GLRA1: variants seen among roughly 807,000 people sequenced by gnomAD.
GLRA1 encodes glycine receptor alpha 1, also known as glycine receptor subunit alpha-1.
In GLRA1, 37 loss-of-function variants were observed where a neutral mutation model predicts 48.3. The observed-to-expected ratio is 0.77, with a 90% CI of 0.59 to 1.01. GLRA1 has a LOEUF of 1.01. Ranked by LOEUF, GLRA1 falls within the 50% of genes least tolerant of loss-of-function variation. The pLI is 0.00. For synonymous variants in GLRA1, 196 were observed against 210.7 expected, an observed-to-expected ratio of 0.93 and a Z score of 0.60; for missense variants, 427 against 571.0, an observed-to-expected ratio of 0.75 and a Z score of 2.57.
intron 7 of GLRA1, among the ~76,000 whole-genome samples, chr5:151,835,606 T>C (rs1287453633): frequency 6.6e-6 from 1 of 152,242 alleles, no homozygotes; most frequent in Non-Finnish European, 1.5e-5. Flanking sequence ...AAAAAGCTTA[T>C]CCATGACCAT....
intron 3 of GLRA1, among the ~76,000 whole-genome samples, chr5:151,884,824 C>T (rs1169001302): frequency 1.3e-5 from 2 of 152,206 alleles, no homozygotes; most frequent in Non-Finnish European, 2.9e-5. Context: ...GAAGTGTCAA[C>T]ACTCACTGTA....
intron 3 of GLRA1, among the ~76,000 whole-genome samples, chr5:151,870,572 C>T (rs1326080734): frequency 6.7e-6 from 1 of 149,800 alleles, no homozygotes; most frequent in Non-Finnish European, 1.5e-5. Context: ...TATTGTATTA[C>T]ATCTTGTTTT....
At chr5:151,848,488 T>A (rs961539365) in intron 7 of GLRA1, among the ~76,000 whole-genome samples, 4 of 152,134 alleles carry the variant, frequency 2.6e-5, no homozygotes, top group Non-Finnish European at 5.9e-5. Flanking sequence ...TACCTCAGCC[T>A]CCTGAGTAGC....
At chr5:151,852,709 C>G (rs1016487170) in intron 6 of GLRA1, among the ~76,000 whole-genome samples, 1 of 152,190 alleles carries the variant, frequency 6.6e-6, no homozygotes, top group Non-Finnish European at 1.5e-5. Flanking sequence ...TGAAATGAAT[C>G]AGAATATGCT....
At chr5:151,872,667 T>C (rs892841343) in intron 3 of GLRA1, among the ~76,000 whole-genome samples, 1 of 149,898 alleles carries the variant, frequency 6.7e-6, no homozygotes, top group African/African-American at 2.5e-5. Flanking sequence ...TTAAATACTG[T>C]GAAATGATGA....
chr5:151,880,462 A>G (rs973819490), intron 3 of GLRA1, among the ~76,000 whole-genome samples: 4 of 152,234 alleles, frequency 2.6e-5, no homozygotes, highest in African/African-American at 9.6e-5. Context: ...GGCTGTCATC[A>G]ATCAGCAGGG....
chr5:151,849,238 CTT>C (rs1752805292), intron 7 of GLRA1, among the ~76,000 whole-genome samples: 1 of 93,504 alleles, frequency 1.1e-5, no homozygotes, highest in African/African-American at 4.6e-5. Context: ...TCCTTCCTTC[CTT>C]CCTTCCTTCC....
intron 7 of GLRA1, among the ~76,000 whole-genome samples, chr5:151,842,515 T>C (rs1314519268): frequency 1.3e-5 from 2 of 152,192 alleles, no homozygotes; most frequent in African/African-American, 4.8e-5. Flanking sequence ...CATGATCCTC[T>C]AAATAGATGC....
chr5:151,842,425 G>C (rs544095353), intron 7 of GLRA1, among the ~76,000 whole-genome samples: 1 of 151,384 alleles, frequency 6.6e-6, no homozygotes, highest in African/African-American at 2.4e-5. Flanking sequence ...ATGAGTAAGT[G>C]GGATGTATCC....
rs779993828 is a variant in GLRA1, at chr5:151,892,401, C to G, written c.94G>C (p.Ala32Pro). 6.2e-7 allele frequency: 1 copy of G among 1,613,922 alleles called. No individual in the cohort carries two copies. The highest frequency in any genetic ancestry group is 8.5e-7 in the Non-Finnish European group (1 of 1,179,866). The change falls in exon 2 of 9, where the codon GCA becomes CCA. Residue 32 changes from alanine (A) to proline (P), a missense_variant. Around this residue, in one of 4 missense-constraint regions of GLRA1, gnomAD observed 271 missense variants for 434.9 expected, o/e 0.62. Transcript: ENST00000274576. ...TCCGAGGGTGACATAGGCTTGGGTG[C>G]GGAGCGAGCAGCTTCAGCCTCCTTA... ...ASKEAEAARS[A>P]PKPMSPSDFL...
chr5:151,857,722 A>G (rs1753085324), intron 4 of GLRA1, among the ~76,000 whole-genome samples: 1 of 152,186 alleles, frequency 6.6e-6, no homozygotes, highest in South Asian at 2.1e-4. Flanking sequence ...CAGACTCAGA[A>G]CCAGAGGGAG....
At chr5:151,889,904 AG>A (rs1754016054) in intron 2 of GLRA1, among the ~76,000 whole-genome samples, 1 of 152,012 alleles carries the variant, frequency 6.6e-6, no homozygotes, top group Admixed American at 6.6e-5. Context: ...CCTCATTCTC[AG>A]TCAGGTGGGG....
At chr5:151,841,686 A>G (rs540172071) in intron 7 of GLRA1, among the ~76,000 whole-genome samples, 1 of 152,304 alleles carries the variant, frequency 6.6e-6, no homozygotes, top group Non-Finnish European at 1.5e-5. Context: ...TTATAAGGGA[A>G]TACTTTGAAC....
intron 7 of GLRA1, among the ~76,000 whole-genome samples, chr5:151,840,176 C>T (rs1763679829): frequency 6.6e-6 from 1 of 151,868 alleles, no homozygotes; most frequent in Non-Finnish European, 1.5e-5. Context: ...TCACTGCAGC[C>T]TCAATCTCCA....
Position 151,887,335 on chromosome 5 carries a change from G to A in GLRA1, c.185-547C>T, listed in dbSNP as rs570591026. On this transcript the variant is annotated intron_variant, in intron 2 of 8. Transcript: ENST00000274576. ...AGTCTTTTGAATCCTACTGCAAAGC[G>A]TAGGAAAGAAATGGAGGATTATTCA... Among the ~76,000 whole-genome samples, 11 of 152,294 alleles carry A rather than the reference G, an allele frequency of 7.2e-5. No individual in the cohort carries two copies. In the South Asian group the frequency reaches 1.7e-3, roughly 23 times the overall value.
intron 1 of GLRA1, among the ~76,000 whole-genome samples, chr5:151,910,956 A>G (rs1176550856): frequency 6.6e-6 from 1 of 152,250 alleles, no homozygotes; most frequent in East Asian, 1.9e-4. Context: ...CCCAGAACTT[A>G]GAACAACTCC....
chr5:151,850,412 C>T (rs1490876513), intron 7 of GLRA1: 1 of 1,222,080 alleles, frequency 8.2e-7, no homozygotes. Flanking sequence ...TTCCTGGGAA[C>T]AGGAAGTGTT....
intron 3 of GLRA1, among the ~76,000 whole-genome samples, chr5:151,879,973 C>T (rs1185880400): frequency 6.6e-6 from 1 of 152,144 alleles, no homozygotes; most frequent in Non-Finnish European, 1.5e-5. Flanking sequence ...GTAAGTCTCA[C>T]AAGATCTGAT....
chr5:151,919,043 T>C (rs1402490131), intron 1 of GLRA1, among the ~76,000 whole-genome samples: 1 of 152,160 alleles, frequency 6.6e-6, no homozygotes, highest in African/African-American at 2.4e-5. Context: ...TTTTAAACAT[T>C]TCAAAGGCTC....
Sources: gnomAD v4.1 joint callset for allele counts (sites outside exome capture counted in the v4.1 genomes callset) on GRCh38, gnomAD v4.1.1 for gene constraint, gnomAD v4.1.1 regional missense constraint, MANE v1.5 for transcripts, NCBI Gene and HGNC (gene_info 2026-07-23, HGNC 2026-07-21) for gene names.